The following XYLT1 variants were observed in gnomAD, a reference collection of about 807,000 sequenced individuals.
XYLT1 encodes beta-D-xylosyltransferase 1.
XYLT1 carries 36 observed loss-of-function variants against 91.3 expected under a neutral mutation model. That is an observed-to-expected ratio of 0.39 (90% CI 0.30 to 0.52). XYLT1 has a LOEUF of 0.52. Ranked by LOEUF, XYLT1 falls within the 20% of genes least tolerant of loss-of-function variation. XYLT1 has a pLI of 0.68. For missense variants in XYLT1, 1,242 were observed against 1,284.5 expected, an observed-to-expected ratio of 0.97 and a Z score of 0.51; for synonymous variants, 588 against 532.0, an observed-to-expected ratio of 1.11 and a Z score of -1.45.
intron 3 of XYLT1, among the ~76,000 whole-genome samples, chr16:17,255,051 C>T (rs946248692): frequency 2.2e-5 from 3 of 136,776 alleles, no homozygotes; most frequent in African/African-American, 8.4e-5. Context: ...GGCTGGAGGG[C>T]AGTGGCATGA....
intron 3 of XYLT1, chr16:17,249,572 G>A (rs1479501680): frequency 6.6e-6 from 1 of 152,224 alleles, no homozygotes; most frequent in African/African-American, 2.4e-5. Flanking sequence ...CCATTTGCAA[G>A]CAGCTTAATT....
rs1310729299 is a variant in XYLT1, at chr16:17,454,190, CAT to C, written c.363+16242_363+16243del. 5.9e-5 allele frequency among the ~76,000 whole-genome samples: 9 copies of C among 152,290 alleles called. No homozygotes were observed. In the South Asian group the frequency reaches 6.2e-4, roughly 11 times the overall value. ...GGTATATACTCAACAGAAATGTTTG[CAT>C]ATGTTTGCCGAAAGAGATGTCCAAG... On this transcript the variant is annotated intron_variant, in intron 1 of 11. Transcript: ENST00000261381.
chr16:17,323,062 C>A (rs1470119539), intron 2 of XYLT1, among the ~76,000 whole-genome samples: 1 of 152,234 alleles, frequency 6.6e-6, no homozygotes, highest in African/African-American at 2.4e-5. Context: ...ACCTCCATGG[C>A]AGGTCAGGGC....
At chr16:17,224,550 C>T (rs1343721689) in intron 3 of XYLT1, among the ~76,000 whole-genome samples, 1 of 152,198 alleles carries the variant, frequency 6.6e-6, no homozygotes, top group African/African-American at 2.4e-5. Flanking sequence ...GTGCTTTATA[C>T]TTTCAAGTCA....
intron 2 of XYLT1, among the ~76,000 whole-genome samples, chr16:17,333,585 TAA>T (rs1555498238): frequency 1.6e-4 from 21 of 127,954 alleles, no homozygotes; most frequent in African/African-American, 6.7e-4. Context: ...TTAATTAATT[TAA>T]TTTATTTTTT....
At chr16:17,177,411 C>G (rs547067533) in intron 5 of XYLT1, among the ~76,000 whole-genome samples, 2 of 152,230 alleles carry the variant, frequency 1.3e-5, no homozygotes, top group African/African-American at 4.8e-5. Flanking sequence ...TATATGCATG[C>G]AAATTTCTTT....
At chr16:17,125,170 A>G (rs2030214927) in intron 10 of XYLT1, among the ~76,000 whole-genome samples, 1 of 152,128 alleles carries the variant, frequency 6.6e-6, no homozygotes, top group Non-Finnish European at 1.5e-5. Flanking sequence ...CCAATTCACA[A>G]TTCCTTGGCT....
At chr16:17,186,129 A>G (rs1342875935) in intron 5 of XYLT1, among the ~76,000 whole-genome samples, 1 of 152,020 alleles carries the variant, frequency 6.6e-6, no homozygotes, top group Non-Finnish European at 1.5e-5. Context: ...TTAAGACGGA[A>G]TTTCACTCTT....
chr16:17,193,890 C>G (rs1349403787), intron 5 of XYLT1: 2 of 152,194 alleles, frequency 1.3e-5, no homozygotes, highest in African/African-American at 4.8e-5. Context: ...GTGCCTCTGG[C>G]TATGAGGCTG....
At chr16:17,376,023 G>A (rs1320900471) in intron 1 of XYLT1, among the ~76,000 whole-genome samples, 2 of 152,244 alleles carry the variant, frequency 1.3e-5, no homozygotes, top group African/African-American at 4.8e-5. Context: ...AATAAACCCT[G>A]ACCTGTGTAT....
At chr16:17,269,398 G>T (rs2033853754) in intron 2 of XYLT1, among the ~76,000 whole-genome samples, 1 of 152,000 alleles carries the variant, frequency 6.6e-6, no homozygotes, top group African/African-American at 2.4e-5. Context: ...TGCCTAGGCT[G>T]GTCTCAAACT....
chr16:17,146,426 C>T (rs1206457041), intron 6 of XYLT1, among the ~76,000 whole-genome samples: 1 of 152,152 alleles, frequency 6.6e-6, no homozygotes, highest in East Asian at 1.9e-4. Flanking sequence ...CTCTGAGTCT[C>T]AGTTTCTTTC....
At chr16:17,293,546 G>A (rs770089712) in intron 2 of XYLT1, among the ~76,000 whole-genome samples, 1 of 143,104 alleles carries the variant, frequency 7.0e-6, no homozygotes, top group East Asian at 2.0e-4. Context: ...GTAGTGCAGC[G>A]GCACAATCCT....
chr16:17,305,036 T>A (rs2034450935), intron 2 of XYLT1, among the ~76,000 whole-genome samples: 2 of 152,130 alleles, frequency 1.3e-5, no homozygotes. Context: ...TGCCGCAGGG[T>A]GCCCACTGTG....
At chr16:17,419,480 A>G (rs1329688189) in intron 1 of XYLT1, among the ~76,000 whole-genome samples, 1 of 152,014 alleles carries the variant, frequency 6.6e-6, no homozygotes, top group East Asian at 1.9e-4. Context: ...CTGTGTTCCA[A>G]TAAAGCTTTA....
intron 2 of XYLT1, among the ~76,000 whole-genome samples, chr16:17,300,933 C>T (rs1310511882): frequency 6.6e-6 from 1 of 152,064 alleles, no homozygotes; most frequent in African/African-American, 2.4e-5. Context: ...CAATTCAGAT[C>T]CTTTCTCATT....
chr16:17,383,720 T>C (rs2035710972), intron 1 of XYLT1, among the ~76,000 whole-genome samples: 2 of 151,758 alleles, frequency 1.3e-5, no homozygotes, highest in Non-Finnish European at 2.9e-5. Context: ...AGCTACTTTC[T>C]ATAATAGCTG....
chr16:17,332,263 G>C, intron 2 of XYLT1, among the ~76,000 whole-genome samples: 1 of 152,152 alleles, frequency 6.6e-6, no homozygotes, highest in Non-Finnish European at 1.5e-5. Flanking sequence ...AAGTGGAGGC[G>C]ATCAAAACAC....
chr16:17,275,315 G>A (rs1397920690), intron 2 of XYLT1, among the ~76,000 whole-genome samples: 1 of 152,168 alleles, frequency 6.6e-6, no homozygotes, highest in Non-Finnish European at 1.5e-5. Context: ...ACACAGCATG[G>A]TTATAAACTT....
Sources: gnomAD v4.1 joint callset for allele counts (sites outside exome capture counted in the v4.1 genomes callset) on GRCh38, gnomAD v4.1.1 for gene constraint, MANE v1.5 for transcripts, NCBI Gene and HGNC (gene_info 2026-07-23, HGNC 2026-07-21) for gene names.